The following GOSR2 variants were observed in gnomAD, a reference collection of about 807,000 sequenced individuals.
GOSR2 encodes golgi SNAP receptor complex member 2.
A neutral mutation model predicts 27.9 loss-of-function variants in GOSR2; 20 were observed. The observed-to-expected ratio is 0.72, with a 90% confidence interval of 0.50 to 1.04. The LOEUF (loss-of-function observed/expected upper bound fraction) is 1.04. Among genes scored for constraint, GOSR2 ranks in the 50% least tolerant of loss-of-function variants. The pLI is 0.00. For synonymous variants in GOSR2, 91 were observed against 98.8 expected, an observed-to-expected ratio of 0.92 and a Z score of 0.47; for missense variants, 261 against 270.5, an observed-to-expected ratio of 0.97 and a Z score of 0.25.
downstream of GOSR2, among the ~76,000 whole-genome samples, chr17:46,943,229 C>G (rs1445719766): frequency 6.6e-6 from 1 of 152,160 alleles, no homozygotes; most frequent in Non-Finnish European, 1.5e-5. Context: ...AAGCCTGATT[C>G]TCCCTCTGGA....
At chr17:46,953,035 A>G (rs771747310) in intron 6 of GOSR2, among the ~76,000 whole-genome samples, 1 of 151,730 alleles carries the variant, frequency 6.6e-6, no homozygotes, top group African/African-American at 2.4e-5. Context: ...TTTTATTATT[A>G]TTTTTTATTT....
At chr17:46,936,164 C>G (rs2088305946) in intron 5 of GOSR2, 7 of 985,518 alleles carry the variant, frequency 7.1e-6, no homozygotes, top group African/African-American at 3.5e-5. Context: ...TGGGCGCTCC[C>G]CTTTCATGAG....
intron 5 of GOSR2, chr17:46,936,199 A>G: frequency 1.0e-6 from 1 of 985,482 alleles, no homozygotes; most frequent in Non-Finnish European, 1.2e-6. Flanking sequence ...ACCTGAACTG[A>G]TACATGTTGA....
At chr17:46,964,167 G>A (rs1307385876) in intron 6 of GOSR2, 1 of 152,186 alleles carries the variant, frequency 6.6e-6, no homozygotes, top group Non-Finnish European at 1.5e-5. Context: ...GACATCAGGT[G>A]TTAGGGACCA....
chr17:46,946,030 T>A (rs2089830514), downstream of GOSR2, among the ~76,000 whole-genome samples: 3 of 152,212 alleles, frequency 2.0e-5, no homozygotes, highest in South Asian at 6.2e-4. Flanking sequence ...GGGAGACCCT[T>A]GGAAGGCGGG....
intron 6 of GOSR2, among the ~76,000 whole-genome samples, chr17:46,957,633 C>T (rs1291714937): frequency 6.6e-6 from 1 of 152,148 alleles, no homozygotes; most frequent in East Asian, 1.9e-4. Context: ...AACAAACAAA[C>T]AAACAAAACC....
At chr17:46,972,439 A>G (rs2091402744) in intron 6 of GOSR2, among the ~76,000 whole-genome samples, 1 of 152,254 alleles carries the variant, frequency 6.6e-6, no homozygotes, top group African/African-American at 2.4e-5. Context: ...GATTCCCAGC[A>G]AAGGGTTGCA....
In GOSR2 at chr17:46,926,122, A is replaced by AT. The variant is rs934654466; in HGVS notation, c.29+2909dup. 9.3e-4 allele frequency among the ~76,000 whole-genome samples: 141 copies of AT among 152,000 alleles called. 4 individuals are homozygous for AT. The highest frequency in any genetic ancestry group is 2.6e-4 in the Admixed American group (4 of 15,264). ...AGAACTGTTACCTTATCTCAAGACC[A>AT]TTTTTTTTCCTGAACAGCGGAGCTT... On this transcript the variant is annotated intron_variant, in intron 1 of 5. Transcript: ENST00000640051.
rs9892764 is a variant in GOSR2 at position 46,959,919 on chromosome 17, G to A, written c.584-6615G>A. 7.6e-3 allele frequency among the ~76,000 whole-genome samples: 1,157 copies of A among 152,270 alleles called. 11 individuals carry two copies. Among genetic ancestry groups the A allele is most frequent in the African/African-American group, 0.027 (1,102 of 41,530 alleles). Reference sequence around the variant, plus strand: ...AGAGAGCTCCTCTAAAGGAATTCAGGCTGGGCCCTGAGACAGGACATCATG... The same window carrying A: ...AGAGAGCTCCTCTAAAGGAATTCAGACTGGGCCCTGAGACAGGACATCATG... On this transcript the variant is annotated intron_variant, in intron 6 of 6. Coordinates refer to the GOSR2 transcript ENST00000573224.
intron 6 of GOSR2, among the ~76,000 whole-genome samples, chr17:46,951,177 C>T (rs1444985510): frequency 5.3e-5 from 8 of 152,330 alleles, no homozygotes; most frequent in Admixed American, 2.6e-4. Flanking sequence ...TGCCAGACCA[C>T]GCTGTCCCTA....
At chr17:46,931,599 T>C (rs2087392725) in intron 3 of GOSR2, 1 of 303,412 alleles carries the variant, frequency 3.3e-6, no homozygotes, top group Non-Finnish European at 6.2e-6. Context: ...CATAATGAAA[T>C]GCTGATCTAA....
At chr17:46,961,504 C>G (rs1391184450) in intron 6 of GOSR2, among the ~76,000 whole-genome samples, 1 of 152,076 alleles carries the variant, frequency 6.6e-6, no homozygotes, top group African/African-American at 2.4e-5. Context: ...CATTGCACTC[C>G]AGCCTGGGTG....
intron 6 of GOSR2, among the ~76,000 whole-genome samples, chr17:46,952,431 T>TA (rs2090429967): frequency 6.6e-6 from 1 of 152,056 alleles, no homozygotes; most frequent in South Asian, 2.1e-4. Flanking sequence ...CTATTCTCAC[T>TA]AGCTACACGC....
downstream of GOSR2, among the ~76,000 whole-genome samples, chr17:46,943,907 G>T (rs1325408232): frequency 1.3e-5 from 2 of 152,192 alleles, no homozygotes; most frequent in African/African-American, 4.8e-5. Flanking sequence ...CGATCCCTCG[G>T]TCTGATGGTC....
At chr17:46,943,562 G>A (rs957721605), downstream of GOSR2, among the ~76,000 whole-genome samples, 7 of 152,214 alleles carry the variant, frequency 4.6e-5, no homozygotes, top group African/African-American at 1.7e-4. Flanking sequence ...CGCTTCCTGC[G>A]GAATGGGAGT....
intron 6 of GOSR2, among the ~76,000 whole-genome samples, chr17:46,965,253 G>T (rs534218815): frequency 4.7e-4 from 71 of 152,330 alleles, no homozygotes; most frequent in African/African-American, 1.4e-3. Flanking sequence ...AGTCTTTACA[G>T]CTAGTGCATC....
chr17:46,940,047 T>C lies in GOSR2; in HGVS notation c.*1287T>C. 1 of 1,067,786 alleles carries C rather than the reference T, an allele frequency of 9.4e-7. No homozygotes were observed. The highest frequency in any genetic ancestry group is 1.1e-6 in the Non-Finnish European group (1 of 880,634). 66.1% of individuals were successfully genotyped at this position (1,067,786 alleles called of 1,614,324 possible). ...CTACCTTTGGTTGTCCTGCCCTACC[T>C]GCTCTGTTAGTTTCTTGTTGCTTGA... is the stretch of plus-strand genomic sequence containing the variant. On this transcript the variant is annotated 3_prime_UTR_variant, in exon 6 of 6. Coordinates refer to ENST00000640051, the MANE Select transcript of GOSR2 (RefSeq NM_004287.5).
At chr17:46,935,690 GC>G in intron 5 of GOSR2, 2 of 989,580 alleles carry the variant, frequency 2.0e-6, no homozygotes, top group Non-Finnish European at 2.4e-6. Context: ...AGCTTCTAAA[GC>G]CCGTGCTGGT....
chr17:46,935,280 A>T (rs754744737), intron 5 of GOSR2, 111 bp downstream of exon 5: 12 of 1,594,262 alleles, frequency 7.5e-6, no homozygotes, highest in African/African-American at 4.0e-5. Context: ...TGATATTTTG[A>T]TGACAAGACA....
Sources: gnomAD v4.1 joint callset for allele counts (sites outside exome capture counted in the v4.1 genomes callset) on GRCh38, gnomAD v4.1.1 for gene constraint, MANE v1.5 for transcripts, NCBI Gene and HGNC (gene_info 2026-07-23, HGNC 2026-07-21) for gene names.